CSMD1: variants seen among roughly 807,000 people sequenced by gnomAD.
The protein encoded by CSMD1 is CUB and sushi domain-containing protein 1.
In CSMD1, 213 loss-of-function variants were observed where a neutral mutation model predicts 417.5. That is an observed-to-expected ratio of 0.51 (90% CI 0.46 to 0.57). The LOEUF (loss-of-function observed/expected upper bound fraction) is 0.57, where lower values mean the gene tolerates loss of function less well. Ranked by LOEUF, CSMD1 falls within the 20% of genes least tolerant of loss-of-function variation. CSMD1 has a pLI of 0.00. For synonymous variants in CSMD1, 2,862 were observed against 1,736.8 expected (o/e 1.65, Z -16.11); for missense variants, 6,923 against 4,529.7 (o/e 1.53, Z -15.17).
chr8:3,677,034 A>G (rs1188387808), intron 7 of CSMD1, among the ~76,000 whole-genome samples: 2 of 152,114 alleles, frequency 1.3e-5, no homozygotes, highest in Non-Finnish European at 2.9e-5. Context: ...GGAGAGCATT[A>G]GAACAAATAC....
rs144558831 is a variant in CSMD1 at position 3,251,998 on chromosome 8, T to A, written c.4154-21767A>T. Among the ~76,000 whole-genome samples, 969 of 152,366 alleles carry A rather than the reference T, an allele frequency of 6.4e-3. 9 individuals carry two copies. Among genetic ancestry groups the A allele is most frequent in the Non-Finnish European group, 8.6e-3 (585 of 68,040 alleles). The stretch of plus-strand genomic sequence containing the variant: ...ATGCGGTTTTCTAGATATAGAATCA[T>A]GTCATCTGCAAACAGGGACAATTTG... On this transcript the variant is annotated intron_variant, in intron 26 of 69. Transcript: ENST00000635120.
intron 1 of CSMD1, among the ~76,000 whole-genome samples, chr8:4,682,544 G>T (rs912035022): frequency 1.3e-5 from 2 of 151,936 alleles, no homozygotes; most frequent in Admixed American, 6.6e-5. Context: ...AATCCAATTA[G>T]AACAGTTGTT....
chr8:4,647,740 G>T (rs995624108), intron 1 of CSMD1, among the ~76,000 whole-genome samples: 1 of 152,174 alleles, frequency 6.6e-6, no homozygotes, highest in African/African-American at 2.4e-5. Context: ...CAAAGGACAT[G>T]ATCTCATTCC....
chr8:3,066,157 G>A (rs933637436), intron 49 of CSMD1, among the ~76,000 whole-genome samples: 1 of 152,174 alleles, frequency 6.6e-6, no homozygotes, highest in African/African-American at 2.4e-5. Context: ...AAGGGCTGCT[G>A]GTTCTAGCAT....
chr8:3,617,059 T>C (rs60040791), intron 7 of CSMD1, among the ~76,000 whole-genome samples: 22,048 of 152,046 alleles, frequency 0.15, 1,973 homozygotes, highest in African/African-American at 0.25. Flanking sequence ...TAATAAAAAA[T>C]CTCATTTGGT....
At chr8:3,741,020 G>C (rs1439485390) in intron 6 of CSMD1, among the ~76,000 whole-genome samples, 7 of 151,994 alleles carry the variant, frequency 4.6e-5, no homozygotes, top group Non-Finnish European at 1.0e-4. Flanking sequence ...TTCCAGACCA[G>C]CCTGGCCAAC....
At chr8:4,795,831 T>A (rs753841479) in intron 1 of CSMD1, among the ~76,000 whole-genome samples, 4 of 152,118 alleles carry the variant, frequency 2.6e-5, no homozygotes, top group Non-Finnish European at 5.9e-5. Flanking sequence ...AGGCAGCCCT[T>A]CTTCAAATTA....
chr8:3,038,085 A>G (rs1810817324), intron 50 of CSMD1, among the ~76,000 whole-genome samples: 1 of 152,014 alleles, frequency 6.6e-6, no homozygotes, highest in Non-Finnish European at 1.5e-5. Context: ...GAGCAGACTT[A>G]GATCCTGGAA....
intron 3 of CSMD1, among the ~76,000 whole-genome samples, chr8:4,220,651 T>C (rs1278053153): frequency 6.6e-6 from 1 of 152,128 alleles, no homozygotes; most frequent in African/African-American, 2.4e-5. Context: ...ATCAACACAA[T>C]TTGAAGATGG....
At chr8:3,204,163 T>C (rs191116505) in intron 31 of CSMD1, among the ~76,000 whole-genome samples, 9 of 152,346 alleles carry the variant, frequency 5.9e-5, no homozygotes, top group Admixed American at 5.9e-4. Context: ...TAGGATGTGA[T>C]CGTTTGTGTG....
chr8:3,522,655 G>T (rs1261174108), intron 10 of CSMD1, among the ~76,000 whole-genome samples: 2 of 151,956 alleles, frequency 1.3e-5, no homozygotes, highest in Non-Finnish European at 2.9e-5. Context: ...TGCAGACTTT[G>T]TGACATGTGA....
chr8:3,928,874 G>T (rs1809939370), intron 5 of CSMD1, among the ~76,000 whole-genome samples: 1 of 147,398 alleles, frequency 6.8e-6, no homozygotes, highest in Non-Finnish European at 1.5e-5. Context: ...ATGTCATGGA[G>T]CTTTCCACTG....
chr8:4,155,454 A>G (rs1239921983), intron 3 of CSMD1, among the ~76,000 whole-genome samples: 1 of 152,198 alleles, frequency 6.6e-6, no homozygotes, highest in Non-Finnish European at 1.5e-5. Flanking sequence ...GGGAAATGAA[A>G]ATATGGTAAG....
chr8:4,686,477 T>A (rs995461013), intron 1 of CSMD1, among the ~76,000 whole-genome samples: 1 of 152,134 alleles, frequency 6.6e-6, no homozygotes, highest in Non-Finnish European at 1.5e-5. Flanking sequence ...TCCCCATACC[T>A]AGAGAAAAGA....
At chr8:3,136,862 GC>G (rs1283765819) in intron 41 of CSMD1, among the ~76,000 whole-genome samples, 1 of 152,072 alleles carries the variant, frequency 6.6e-6, no homozygotes, top group Non-Finnish European at 1.5e-5. Flanking sequence ...TGGTATTTGT[GC>G]CAGTATCTGC....
At chr8:3,185,910 C>A (rs987114225) in intron 36 of CSMD1, among the ~76,000 whole-genome samples, 1 of 152,166 alleles carries the variant, frequency 6.6e-6, no homozygotes, top group South Asian at 2.1e-4. Context: ...GAAACAGACA[C>A]AGACTGCATG....
chr8:4,835,412 A>T (rs1800420650), intron 1 of CSMD1, among the ~76,000 whole-genome samples: 2 of 152,172 alleles, frequency 1.3e-5, no homozygotes, highest in African/African-American at 2.4e-5. Flanking sequence ...CACCATTAGC[A>T]AACATTAAGA....
chr8:4,826,769 G>C (rs958528769), intron 1 of CSMD1, among the ~76,000 whole-genome samples: 1 of 152,084 alleles, frequency 6.6e-6, no homozygotes, highest in Non-Finnish European at 1.5e-5. Context: ...AAACATAGGA[G>C]CTCCCTCTGC....
intron 37 of CSMD1, among the ~76,000 whole-genome samples, chr8:3,166,644 T>C (rs1486324685): frequency 6.6e-6 from 1 of 152,204 alleles, no homozygotes; most frequent in Non-Finnish European, 1.5e-5. Context: ...TCTCATATTG[T>C]CAAGCCAGGG....
Sources: allele counts gnomAD v4.1 joint callset (sites outside exome capture counted in the v4.1 genomes callset), GRCh38; gene constraint gnomAD v4.1.1; transcripts MANE v1.5; gene names NCBI Gene and HGNC (gene_info 2026-07-23, HGNC 2026-07-21).